KHDRBS2: variants seen among roughly 807,000 people sequenced by gnomAD.
KHDRBS2 encodes the protein KH domain-containing, RNA-binding, signal transduction-associated protein 2.
A neutral mutation model predicts 44.3 loss-of-function variants in KHDRBS2; 26 were observed. That is an observed-to-expected ratio of 0.59 (90% CI 0.43 to 0.81). KHDRBS2 has a LOEUF of 0.81. Among genes scored for constraint, KHDRBS2 ranks in the 40% least tolerant of loss-of-function variants. KHDRBS2 has a pLI of 0.00. For synonymous variants in KHDRBS2, 194 were observed against 151.1 expected (o/e 1.28, Z -2.08); for missense variants, 476 against 433.1 (o/e 1.10, Z -0.88).
intron 2 of KHDRBS2, among the ~76,000 whole-genome samples, chr6:62,121,817 G>A (rs1423898372): frequency 1.3e-5 from 2 of 152,136 alleles, no homozygotes; most frequent in African/African-American, 4.8e-5. Flanking sequence ...AGACATTTGT[G>A]TGCCAAGGGA....
At chr6:62,100,424 T>C (rs1305521019) in intron 2 of KHDRBS2, among the ~76,000 whole-genome samples, 1 of 152,218 alleles carries the variant, frequency 6.6e-6, no homozygotes, top group African/African-American at 2.4e-5. Context: ...TGGAGGGAAC[T>C]TCCTCCAATT....
At chr6:61,804,409 T>A (rs1433622134) in intron 6 of KHDRBS2, among the ~76,000 whole-genome samples, 1 of 152,066 alleles carries the variant, frequency 6.6e-6, no homozygotes, top group Non-Finnish European at 1.5e-5. Flanking sequence ...TGTCTGTGGA[T>A]TTTCTAGGCA....
At chr6:61,983,231 T>TCTTG in intron 3 of KHDRBS2, among the ~76,000 whole-genome samples, 1 of 98,110 alleles carries the variant, frequency 1.0e-5, no homozygotes, top group Admixed American at 1.3e-4. Flanking sequence ...TTTCTTTCTT[T>TCTTG]CTTTCTTTTT....
intron 6 of KHDRBS2, among the ~76,000 whole-genome samples, chr6:61,817,453 T>C (rs577602713): frequency 1.1e-4 from 16 of 152,248 alleles, no homozygotes; most frequent in South Asian, 4.1e-4. Flanking sequence ...CACAGTGTGC[T>C]ACATATCCAA....
chr6:62,246,129 T>C (rs1009083220), intron 1 of KHDRBS2, among the ~76,000 whole-genome samples: 6 of 135,182 alleles, frequency 4.4e-5, no homozygotes, highest in African/African-American at 1.7e-4. Context: ...TATATATATA[T>C]ATATATAATC....
At chr6:62,172,698 GAAAAAA>G (rs33984802) in intron 2 of KHDRBS2, among the ~76,000 whole-genome samples, 1 of 73,464 alleles carries the variant, frequency 1.4e-5, no homozygotes, top group African/African-American at 5.3e-5. Flanking sequence ...CCAGCAAACT[GAAAAAA>G]AAAAAAAAAA....
intron 7 of KHDRBS2, among the ~76,000 whole-genome samples, chr6:61,720,304 G>T (rs1772227178): frequency 6.6e-6 from 1 of 152,086 alleles, no homozygotes; most frequent in African/African-American, 2.4e-5. Context: ...GTAATGGGAT[G>T]GCTGGGTCAA....
the KHDRBS2 span, among the ~76,000 whole-genome samples, chr6:61,563,533 T>C: frequency 6.6e-6 from 1 of 152,058 alleles, no homozygotes; most frequent in South Asian, 2.1e-4. Context: ...ACTCTACTAA[T>C]GGTAATATTG....
At chr6:61,626,129 C>T in the KHDRBS2 span, among the ~76,000 whole-genome samples, 3 of 152,110 alleles carry the variant, frequency 2.0e-5, no homozygotes. Flanking sequence ...TATAGACATA[C>T]TTTAAAGGAA....
At position 61,730,952 on chromosome 6, in the gene KHDRBS2, A is replaced by C. The variant is rs374690661; in HGVS notation, c.893+1730T>G. On this transcript the variant is annotated intron_variant, in intron 7 of 8. Transcript: ENST00000281156. ...GTTAAGCTCACTTAAATCTCACCAG[A>C]AGAGAGAATGTCCCTCATTATCAGA... 3.3e-5 allele frequency among the ~76,000 whole-genome samples: 5 copies of C among 152,144 alleles called. No homozygotes were observed. In the East Asian group the frequency reaches 9.6e-4, roughly 29 times the overall value.
chr6:62,278,936 TA>T (rs1402992339), intron 1 of KHDRBS2, among the ~76,000 whole-genome samples: 1 of 151,602 alleles, frequency 6.6e-6, no homozygotes, highest in East Asian at 1.9e-4. Flanking sequence ...CTACTAAAAA[TA>T]CAAAAAATTA....
chr6:62,032,340 A>G (rs1274643185), intron 3 of KHDRBS2, among the ~76,000 whole-genome samples: 1 of 151,920 alleles, frequency 6.6e-6, no homozygotes, highest in Non-Finnish European at 1.5e-5. Context: ...ATTTGAAAAG[A>G]GAGATTGGCC....
chr6:61,709,841 CGT>C (rs1433186668), intron 7 of KHDRBS2, among the ~76,000 whole-genome samples: 2 of 151,602 alleles, frequency 1.3e-5, no homozygotes, highest in Non-Finnish European at 3.0e-5. Flanking sequence ...AACTATATCA[CGT>C]GTTTCTTTGG....
intron 6 of KHDRBS2, among the ~76,000 whole-genome samples, chr6:61,764,960 GTTAAA>G (rs1025375278): frequency 5.3e-5 from 8 of 151,638 alleles, no homozygotes; most frequent in East Asian, 3.9e-4. Context: ...AAACTTAATA[GTTAAA>G]TTAAATTTTC....
rs1242749416 is a variant in KHDRBS2 at position 61,706,635 on chromosome 6, T to C, written c.894-9382A>G. Among the ~76,000 whole-genome samples, 19 of 151,946 alleles carry C rather than the reference T, an allele frequency of 1.3e-4. No individual in the cohort carries two copies. In the East Asian group the frequency reaches 2.9e-3, roughly 23 times the overall value. The stretch of plus-strand genomic sequence containing the variant: ...TTGTGATCACATAAAAATCATTACA[T>C]AATTCAATAAGTATTTAGAGTACCA... On this transcript the variant is annotated intron_variant, in intron 7 of 8. Transcript: ENST00000281156.
intron 3 of KHDRBS2, among the ~76,000 whole-genome samples, chr6:62,033,111 C>T (rs950842944): frequency 2.0e-5 from 3 of 151,668 alleles, no homozygotes; most frequent in Non-Finnish European, 2.9e-5. Flanking sequence ...CAAAATAGAT[C>T]AAGCAGAAGA....
intron 4 of KHDRBS2, among the ~76,000 whole-genome samples, chr6:61,914,359 C>A (rs1008717623): frequency 1.3e-5 from 2 of 152,046 alleles, no homozygotes; most frequent in African/African-American, 4.8e-5. Flanking sequence ...TCTTCTCTAT[C>A]TCTAATTTTA....
chr6:61,583,078 A>AATAG, the KHDRBS2 span, among the ~76,000 whole-genome samples: 2 of 151,914 alleles, frequency 1.3e-5, no homozygotes, highest in East Asian at 3.9e-4. Flanking sequence ...CTCATAGGAA[A>AATAG]ATAGGATGCA....
chr6:61,621,010 C>T, the KHDRBS2 span, among the ~76,000 whole-genome samples: 2 of 152,150 alleles, frequency 1.3e-5, no homozygotes, highest in African/African-American at 4.8e-5. Flanking sequence ...TCTGCCTCTC[C>T]CTTGGAATCT....
Sources: gnomAD v4.1 joint callset for allele counts (sites outside exome capture counted in the v4.1 genomes callset) on GRCh38, gnomAD v4.1.1 for gene constraint, MANE v1.5 for transcripts, NCBI Gene and HGNC (gene_info 2026-07-23, HGNC 2026-07-21) for gene names.